The following MEMO1 variants were observed in gnomAD, a reference collection of about 807,000 sequenced individuals.
MEMO1 encodes the protein protein MEMO1.
A neutral mutation model predicts 45.2 loss-of-function variants in MEMO1; 6 were observed. That is an observed-to-expected ratio of 0.13 (90% CI 0.07 to 0.26). MEMO1 has a LOEUF of 0.26. Ranked by LOEUF, MEMO1 falls within the 10% of genes least tolerant of loss-of-function variation. The pLI, the probability that MEMO1 is intolerant of heterozygous loss-of-function variation, is 1.00. For synonymous variants in MEMO1, 78 were observed against 124.3 expected, an observed-to-expected ratio of 0.63 and a Z score of 2.48; for missense variants, 184 against 370.5, an observed-to-expected ratio of 0.50 and a Z score of 4.13.
intron 2 of MEMO1, among the ~76,000 whole-genome samples, chr2:31,977,514 A>T (rs72796843): frequency 0.031 from 4,750 of 151,832 alleles, 107 homozygotes; most frequent in Non-Finnish European, 0.05. Flanking sequence ...TTACTTATTT[A>T]ATTTATTTAT....
intron 4 of MEMO1, among the ~76,000 whole-genome samples, chr2:31,930,007 C>T (rs1396521486): frequency 6.6e-6 from 1 of 152,196 alleles, no homozygotes; most frequent in East Asian, 1.9e-4. Flanking sequence ...TGCCTGTAAT[C>T]CCAGCACTTT....
chr2:31,871,503 AC>A, intron 8 of MEMO1, among the ~76,000 whole-genome samples: 1 of 131,602 alleles, frequency 7.6e-6, no homozygotes, highest in African/African-American at 2.9e-5. Flanking sequence ...ATATATACAC[AC>A]ACACACACAC....
At chr2:31,933,457 T>C (rs1193670702) in intron 3 of MEMO1, among the ~76,000 whole-genome samples, 1 of 145,308 alleles carries the variant, frequency 6.9e-6, no homozygotes, top group Non-Finnish European at 1.5e-5. Flanking sequence ...AGGAAACTTT[T>C]GAGGGTGATG....
chr2:31,934,492 G>T (rs760483393), intron 3 of MEMO1, among the ~76,000 whole-genome samples: 1 of 150,556 alleles, frequency 6.6e-6, no homozygotes, highest in Non-Finnish European at 1.5e-5. Flanking sequence ...AACAAGAAAA[G>T]AAAGAATCAT....
At chr2:31,870,531 CAT>C (rs1440200952) in intron 8 of MEMO1, among the ~76,000 whole-genome samples, 2 of 152,018 alleles carry the variant, frequency 1.3e-5, no homozygotes, top group African/African-American at 2.4e-5. Context: ...AAAAAGTTAA[CAT>C]ATTTTAATTA....
At position 31,906,693 on chromosome 2, in the gene MEMO1, CCAGT is replaced by C. The variant is rs535207281; in HGVS notation, c.437+11229_437+11232del. 5.1e-4 allele frequency among the ~76,000 whole-genome samples: 77 copies of C among 152,246 alleles called. 1 individual carries two copies. The highest frequency in any genetic ancestry group is 1.7e-3 in the South Asian group (8 of 4,826). On this transcript the variant is annotated intron_variant, in intron 6 of 9. Coordinates refer to ENST00000404530, the MANE Select transcript of MEMO1 (RefSeq NM_001301833.4). ...GCTAAGAACTTTTATTAGCTCTGTA[CCAGT>C]CACAGAATAAAATACAAGTATTTTA...
intron 2 of MEMO1, among the ~76,000 whole-genome samples, chr2:31,986,857 C>T (rs892744949): frequency 4.6e-5 from 7 of 152,032 alleles, no homozygotes; most frequent in Non-Finnish European, 8.8e-5. Flanking sequence ...TTTAAGTACG[C>T]GACAACTAAA....
At chr2:31,987,576 A>C (rs1322363774) in intron 2 of MEMO1, among the ~76,000 whole-genome samples, 2 of 152,222 alleles carry the variant, frequency 1.3e-5, no homozygotes, top group African/African-American at 4.8e-5. Flanking sequence ...ATAACATTAT[A>C]ATCTAGTCAT....
chr2:32,004,297 A>G (rs1202439430), intron 2 of MEMO1, among the ~76,000 whole-genome samples: 1 of 152,222 alleles, frequency 6.6e-6, no homozygotes, highest in Non-Finnish European at 1.5e-5. Context: ...AGCCAGAATA[A>G]GAACTAGAAG....
chr2:31,897,933 T>C (rs1678126364), intron 6 of MEMO1, among the ~76,000 whole-genome samples: 1 of 151,996 alleles, frequency 6.6e-6, no homozygotes, highest in Admixed American at 6.6e-5. Context: ...TTCTTCCTGG[T>C]TTAGTCTTGG....
At chr2:31,969,631 G>GTT in intron 2 of MEMO1, among the ~76,000 whole-genome samples, 1 of 130,562 alleles carries the variant, frequency 7.7e-6, no homozygotes, top group Non-Finnish European at 1.7e-5. Flanking sequence ...GTGTGTGTGT[G>GTT]TGTTTAAGAC....
intron 2 of MEMO1, among the ~76,000 whole-genome samples, chr2:31,979,090 G>A (rs1366905565): frequency 2.0e-5 from 3 of 152,204 alleles, no homozygotes; most frequent in Non-Finnish European, 2.9e-5. Context: ...GGCAGAAGGT[G>A]AGGGGGAAGC....
intron 2 of MEMO1, among the ~76,000 whole-genome samples, chr2:31,968,842 C>T (rs868664897): frequency 3.0e-4 from 45 of 152,260 alleles, no homozygotes; most frequent in African/African-American, 1.0e-3. Context: ...AAAGAGGACA[C>T]TTCCATTCCA....
chr2:31,943,479 A>G, intron 2 of MEMO1, 96 bp from the exon 3 acceptor site: 2 of 851,766 alleles, frequency 2.3e-6, no homozygotes, highest in South Asian at 2.7e-5. Flanking sequence ...ATGTGGGACT[A>G]AACTAGCTTA....
chr2:31,933,336 AAAAAAAAAAAAAATTT>A (rs1406543568), intron 3 of MEMO1, among the ~76,000 whole-genome samples: 3 of 57,460 alleles, frequency 5.2e-5, no homozygotes, highest in African/African-American at 2.4e-4. Flanking sequence ...AAAAAAAAAA[AAAAAAAAAAAAAATTT>A]ATATATATAT....
At chr2:31,916,339 C>T (rs1681442472) in intron 6 of MEMO1, among the ~76,000 whole-genome samples, 1 of 152,040 alleles carries the variant, frequency 6.6e-6, no homozygotes, top group Non-Finnish European at 1.5e-5. Context: ...AGCAATCATC[C>T]CACCCCAGCC....
chr2:31,955,312 G>A (rs962057739), intron 2 of MEMO1, among the ~76,000 whole-genome samples: 4 of 152,130 alleles, frequency 2.6e-5, no homozygotes, highest in African/African-American at 9.7e-5. Flanking sequence ...GTTTATACCT[G>A]AGATTTTTCA....
At chr2:32,005,413 ATAC>A (rs919267144) in intron 2 of MEMO1, among the ~76,000 whole-genome samples, 3 of 152,160 alleles carry the variant, frequency 2.0e-5, no homozygotes, top group Admixed American at 6.5e-5. Flanking sequence ...TGTTCTTAAA[ATAC>A]AAGGAACATG....
chr2:32,001,473 T>C (rs1673310386), intron 2 of MEMO1, among the ~76,000 whole-genome samples: 2 of 152,168 alleles, frequency 1.3e-5, no homozygotes, highest in African/African-American at 4.8e-5. Context: ...TGTTTATTAT[T>C]TTTTAATGTA....
Sources: gnomAD v4.1 joint callset for allele counts (sites outside exome capture counted in the v4.1 genomes callset) on GRCh38, gnomAD v4.1.1 for gene constraint, MANE v1.5 for transcripts, NCBI Gene and HGNC (gene_info 2026-07-23, HGNC 2026-07-21) for gene names.